The following RBM18 variants were observed in gnomAD, a reference collection of about 807,000 sequenced individuals.
The protein encoded by RBM18 is probable RNA-binding protein 18.
RBM18 carries 18 observed loss-of-function variants against 26.4 expected under a neutral mutation model. The ratio of observed to expected loss-of-function variants is 0.68; its 90% CI spans 0.47 to 1.01. The LOEUF (loss-of-function observed/expected upper bound fraction) is 1.01, where lower values mean the gene tolerates loss of function less well. RBM18 is among the 50% of genes least tolerant of loss of function. RBM18 has a pLI of 0.00. For missense variants in RBM18, 180 were observed against 219.2 expected (o/e 0.82, Z 1.13); for synonymous variants, 74 against 81.1 (o/e 0.91, Z 0.47).
In RBM18 at chr9:122,238,752, A is replaced by G. The variant is rs1201130750; in HGVS notation, c.*3132T>C. On this transcript the variant is annotated 3_prime_UTR_variant, in exon 6 of 6. Coordinates refer to ENST00000417201, the MANE Select transcript of RBM18 (RefSeq NM_033117.4). ...ATCACATTTTAAAATAATTTTTTTAAAAATTGCTTTGGCTACTGTGTGGAA... is the reference window on the plus strand; with the variant it reads ...ATCACATTTTAAAATAATTTTTTTAGAAATTGCTTTGGCTACTGTGTGGAA... 6.6e-6 allele frequency: 1 copy of G among 152,236 alleles called. No homozygotes were observed. Among genetic ancestry groups the G allele is most frequent in the African/African-American group, 2.4e-5 (1 of 41,464 alleles). 9.4% of individuals were successfully genotyped at this position (152,236 alleles called of 1,614,324 possible). A position where few individuals can be genotyped will look rare whatever the true frequency, so the allele number is the denominator to read the frequency against.
intron 2 of RBM18, among the ~76,000 whole-genome samples, chr9:122,260,051 C>T (rs1348591483): frequency 6.6e-6 from 1 of 152,052 alleles, no homozygotes; most frequent in African/African-American, 2.4e-5. Context: ...ATGATATGCT[C>T]AAAACTTGCT....
chr9:122,254,737 G>A (rs150647176), intron 2 of RBM18, among the ~76,000 whole-genome samples: 1 of 152,360 alleles, frequency 6.6e-6, no homozygotes, highest in East Asian at 1.9e-4. Context: ...TATGGGCTAT[G>A]CAGATGAATA....
chr9:122,254,006 C>T (rs1330650865), intron 2 of RBM18, among the ~76,000 whole-genome samples: 5 of 146,750 alleles, frequency 3.4e-5, no homozygotes, highest in Non-Finnish European at 6.0e-5. Flanking sequence ...CCAGCCTGGG[C>T]GACAGAGCAA....
chr9:122,259,538 A>G (rs1216445547), intron 2 of RBM18, among the ~76,000 whole-genome samples: 1 of 152,224 alleles, frequency 6.6e-6, no homozygotes, highest in Non-Finnish European at 1.5e-5. Flanking sequence ...AAATACCGTC[A>G]TAATTTCTAA....
At position 122,247,573 on chromosome 9, in the gene RBM18, C is replaced by G. The variant is rs774794967; in HGVS notation, c.272G>C (p.Gly91Ala). ...CAGCTTCTTGGACAGGGCCAACTTG[C>G]CATTGAGACACTGGATGGCTTGCTC... Reference protein sequence around the residue: ...EAEQAIQCLNGKLALSKKLVV... With the variant: ...EAEQAIQCLNAKLALSKKLVV... The change falls in exon 4 of 6, where the codon GGC (glycine) becomes GCC (alanine). Residue 91 changes from glycine (G) to alanine (A), a missense_variant. Gly to Ala is a moderately conservative substitution (Grantham distance 60). Around this residue, in one of 3 missense-constraint regions of RBM18, gnomAD observed 28 missense variants for 59.9 expected, o/e 0.47. Transcript: ENST00000417201. 3 of 1,613,956 alleles carry G rather than the reference C, an allele frequency of 1.9e-6. No individual in the cohort carries two copies. The highest frequency in any genetic ancestry group is 2.5e-6 in the Non-Finnish European group (3 of 1,179,992).
intron 2 of RBM18, among the ~76,000 whole-genome samples, chr9:122,259,700 A>G (rs1446419271): frequency 6.6e-6 from 1 of 152,136 alleles, no homozygotes; most frequent in African/African-American, 2.4e-5. Flanking sequence ...TACTCAAAGA[A>G]GCAGGTTTCC....
Position 122,240,393 on chromosome 9 carries a change from T to A in RBM18, c.*1491A>T, listed in dbSNP as rs560372034. ...TTAAAAAGATTAACCTTGGGAAAAG[T>A]AAAAAGAATTTCCTTAAACCAGTTT... is the stretch of plus-strand genomic sequence containing the variant. On this transcript the variant is annotated 3_prime_UTR_variant, in exon 6 of 6. Coordinates refer to ENST00000417201, the MANE Select transcript of RBM18 (RefSeq NM_033117.4). 6.6e-5 allele frequency: 10 copies of A among 152,326 alleles called. No individual in the cohort carries two copies. The South Asian group carries it at 2.1e-3, about 32-fold the overall frequency. 9.4% of individuals were successfully genotyped at this position (152,326 alleles called of 1,614,324 possible). A position where few individuals can be genotyped will look rare whatever the true frequency, so the allele number is the denominator to read the frequency against.
In RBM18 at chr9:122,264,742, C is replaced by A. The variant is rs1201092670; in HGVS notation, c.-44G>T. The A allele has an allele frequency of 6.6e-6, 1 of 152,322 alleles. No individual in the cohort carries two copies. The highest frequency in any genetic ancestry group is 1.5e-5 in the Non-Finnish European group (1 of 68,130). The allele number at this position is 152,322 out of a possible 1,614,324, so 9.4% of individuals were successfully genotyped here. On this transcript the variant is annotated 5_prime_UTR_variant, in exon 1 of 6. Transcript: ENST00000417201. The stretch of plus-strand genomic sequence containing the variant: ...CGTGGCCTCGGCGTGGTGCTCTCAG[C>A]TCATGCCCGGAAACCAGGTCCCGAC...
chr9:122,260,650 TG>T (rs1408014757), intron 2 of RBM18, among the ~76,000 whole-genome samples: 1 of 152,204 alleles, frequency 6.6e-6, no homozygotes, highest in Non-Finnish European at 1.5e-5. Flanking sequence ...CATCAGAGGT[TG>T]TCAAGTGTGC....
At chr9:122,248,990 G>C (rs900504538) in intron 3 of RBM18, among the ~76,000 whole-genome samples, 1 of 152,198 alleles carries the variant, frequency 6.6e-6, no homozygotes, top group African/African-American at 2.4e-5. Flanking sequence ...CACAAAGCTA[G>C]AGTGACAGGT....
intron 5 of RBM18, among the ~76,000 whole-genome samples, chr9:122,242,489 TG>T (rs1831436777): frequency 6.6e-6 from 1 of 152,226 alleles, no homozygotes; most frequent in Admixed American, 6.5e-5. Flanking sequence ...AGCAGAGATT[TG>T]AATACAAACT....
intron 2 of RBM18, among the ~76,000 whole-genome samples, chr9:122,257,125 G>C (rs1259141565): frequency 1.3e-5 from 2 of 152,130 alleles, no homozygotes; most frequent in East Asian, 1.9e-4. Context: ...GCCCAGGCTG[G>C]AGTGCAGCGG....
intron 5 of RBM18, among the ~76,000 whole-genome samples, chr9:122,244,783 C>T (rs1441515295): frequency 6.6e-6 from 1 of 152,222 alleles, no homozygotes; most frequent in Non-Finnish European, 1.5e-5. Context: ...CTGTTTTAAA[C>T]TTCAAATAAC....
In RBM18 at chr9:122,241,825, G is replaced by A; in HGVS notation, c.*59C>T. On this transcript the variant is annotated 3_prime_UTR_variant, in exon 6 of 6. Coordinates refer to ENST00000417201, the MANE Select transcript of RBM18 (RefSeq NM_033117.4). ...CCATTCACATCTACAAAGTACACAGGCAGACGATTTTAGGTGTGGAGACCA... is the reference window on the plus strand; with the variant it reads ...CCATTCACATCTACAAAGTACACAGACAGACGATTTTAGGTGTGGAGACCA... The A allele has an allele frequency of 6.8e-7, 1 of 1,479,156 alleles. No homozygotes were observed. The highest frequency in any genetic ancestry group is 1.2e-5 in the South Asian group (1 of 85,008). The allele number at this position is 1,479,156 out of a possible 1,614,324, so 91.6% of individuals were successfully genotyped here. A position where few individuals can be genotyped will look rare whatever the true frequency, so the allele number is the denominator to read the frequency against.
At chr9:122,253,845 G>A (rs1467041804) in intron 2 of RBM18, among the ~76,000 whole-genome samples, 1 of 151,734 alleles carries the variant, frequency 6.6e-6, no homozygotes, top group Non-Finnish European at 1.5e-5. Context: ...GACTAACATG[G>A]TGAAACCCTG....
chr9:122,250,402 G>A (rs1205500347), intron 3 of RBM18, among the ~76,000 whole-genome samples: 4 of 152,128 alleles, frequency 2.6e-5, no homozygotes, highest in South Asian at 2.1e-4. Flanking sequence ...TTATACTAGT[G>A]AATCAACCCA....
intron 2 of RBM18, among the ~76,000 whole-genome samples, chr9:122,258,193 TTTAA>T (rs1394671901): frequency 1.3e-5 from 2 of 152,358 alleles, no homozygotes; most frequent in Non-Finnish European, 2.9e-5. Flanking sequence ...TCAGGTTCCT[TTTAA>T]TTAAGTAAAT....
rs1564455525 is a variant in RBM18, at chr9:122,247,541, G to GC, written c.303dup (p.Arg102AlafsTer11). 2.5e-6 allele frequency: 4 copies of GC among 1,613,814 alleles called. No homozygotes were observed. The South Asian group carries it at 4.4e-5, about 18-fold the overall frequency. On this transcript the variant is annotated frameshift_variant, in exon 4 of 6. Transcript: ENST00000417201. LOFTEE classifies it high-confidence loss of function. Reference sequence around the variant, plus strand: ...ACCTTTACTTGAGCATGTGCCCATCGCACCACCAGCTTCTTGGACAGGGCC... The same window carrying GC: ...ACCTTTACTTGAGCATGTGCCCATCGCCACCACCAGCTTCTTGGACAGGGCC...
Position 122,246,889 on chromosome 9 carries a change from C to A in RBM18, c.327+629G>T, listed in dbSNP as rs549225553. ...ACACACTTTACCACCTCTGTGCCAG[C>A]TGGAACAGAATGCCATTTGTTTTGT... On this transcript the variant is annotated intron_variant, in intron 4 of 5. Transcript: ENST00000417201. 1.7e-3 allele frequency among the ~76,000 whole-genome samples: 258 copies of A among 152,304 alleles called. 1 individual carries two copies. The highest frequency in any genetic ancestry group is 2.8e-3 in the Non-Finnish European group (193 of 68,036).
Sources: allele counts gnomAD v4.1 joint callset (sites outside exome capture counted in the v4.1 genomes callset), GRCh38; gene constraint gnomAD v4.1.1; regional missense constraint gnomAD v4.1.1; transcripts MANE v1.5; gene names NCBI Gene and HGNC (gene_info 2026-07-23, HGNC 2026-07-21).